The following ELFN2 variants were observed in gnomAD, a reference collection of about 807,000 sequenced individuals.
ELFN2 encodes protein phosphatase 1 regulatory subunit 29.
Under a neutral mutation model 45.5 loss-of-function variants are expected in ELFN2, and 17 were observed. The ratio of observed to expected loss-of-function variants is 0.37; its 90% CI spans 0.26 to 0.56. The LOEUF is 0.56. ELFN2 is among the 20% of genes least tolerant of loss of function. The pLI, the probability that ELFN2 is intolerant of heterozygous loss-of-function variation, is 0.77. For missense variants in ELFN2, 922 were observed against 1,183.2 expected (o/e 0.78, Z 3.24); for synonymous variants, 550 against 551.5 (o/e 1.00, Z 0.04).
chr22:37,401,439 C>T (rs1932358685), intron 2 of ELFN2, among the ~76,000 whole-genome samples: 1 of 152,202 alleles, frequency 6.6e-6, no homozygotes, highest in African/African-American at 2.4e-5. Flanking sequence ...CCTGAGGAGG[C>T]TTGGAACAGT....
chr22:37,386,136 T>C (rs1931939702), intron 2 of ELFN2, among the ~76,000 whole-genome samples: 1 of 152,088 alleles, frequency 6.6e-6, no homozygotes, highest in African/African-American at 2.4e-5. Context: ...GGTTTGAGGG[T>C]TACCCTCTCC....
intron 2 of ELFN2, among the ~76,000 whole-genome samples, chr22:37,408,528 T>C (rs1932566327): frequency 6.6e-6 from 1 of 152,192 alleles, no homozygotes; most frequent in Non-Finnish European, 1.5e-5. Flanking sequence ...GCTCAGTAAA[T>C]AATCAGCTAG....
chr22:37,378,411 G>A (rs1931643130), intron 2 of ELFN2, among the ~76,000 whole-genome samples: 1 of 152,252 alleles, frequency 6.6e-6, no homozygotes, highest in Non-Finnish European at 1.5e-5. Flanking sequence ...ATTGGGCAAA[G>A]CCAAGCTGTC....
chr22:37,365,148 C>CCT (rs1931175422), downstream of ELFN2, among the ~76,000 whole-genome samples: 1 of 152,144 alleles, frequency 6.6e-6, no homozygotes, highest in African/African-American at 2.4e-5. Context: ...GGGCTGAGTG[C>CCT]CTGGAACCCT....
At chr22:37,418,105 G>A (rs941705580) in intron 1 of ELFN2, among the ~76,000 whole-genome samples, 186 bp from the exon 2 acceptor site, 1 of 152,182 alleles carries the variant, frequency 6.6e-6, no homozygotes, top group African/African-American at 2.4e-5. Flanking sequence ...CAGAGAGGAG[G>A]TAAAGGGAGA....
Position 37,412,292 on chromosome 22 carries a change from A to AAAAAAAG in ELFN2, c.-463+5476_-463+5477insCTTTTTT, listed in dbSNP as rs57769146. On this transcript the variant is annotated intron_variant, in intron 2 of 2. Transcript: ENST00000402918. ...AACTCCGTCTCAAAAAAAAAAAAAA[A>AAAAAAAG]AAAGAAAGAAAGAAAAGGAAAAAAG... Among the ~76,000 whole-genome samples the AAAAAAAG allele has an allele frequency of 2.6e-3, 384 of 146,368 alleles. 4 individuals carry two copies. Among genetic ancestry groups the AAAAAAAG allele is most frequent in the African/African-American group, 7.5e-3 (286 of 38,208 alleles).
At chr22:37,380,090 C>A (rs1298180103) in intron 2 of ELFN2, among the ~76,000 whole-genome samples, 1 of 152,240 alleles carries the variant, frequency 6.6e-6, no homozygotes, top group Non-Finnish European at 1.5e-5. Flanking sequence ...ATCCTCTCAG[C>A]CCCCCGCTAT....
intron 2 of ELFN2, among the ~76,000 whole-genome samples, chr22:37,396,936 A>T (rs550213200): frequency 3.3e-5 from 5 of 151,618 alleles, no homozygotes; most frequent in African/African-American, 4.9e-5. Flanking sequence ...ACTCACAGGG[A>T]TCTCCTTTTT....
intron 1 of ELFN2, among the ~76,000 whole-genome samples, chr22:37,423,848 G>A (rs1203222571): frequency 6.6e-6 from 1 of 152,054 alleles, no homozygotes; most frequent in East Asian, 1.9e-4. Flanking sequence ...GGAAGGAGAG[G>A]GGGCTCAATT....
At chr22:37,409,792 C>T (rs1164271972) in intron 2 of ELFN2, among the ~76,000 whole-genome samples, 1 of 152,160 alleles carries the variant, frequency 6.6e-6, no homozygotes, top group Non-Finnish European at 1.5e-5. Context: ...GAAGGGTGCT[C>T]AGGGTGCAAT....
Position 37,396,342 on chromosome 22 carries a change from C to T in ELFN2, c.-462-20346G>A, listed in dbSNP as rs562922296. Among the ~76,000 whole-genome samples the T allele has an allele frequency of 2.0e-5, 3 of 152,312 alleles. No individual in the cohort carries two copies. In the South Asian group the frequency reaches 6.2e-4, roughly 32 times the overall value. On this transcript the variant is annotated intron_variant, in intron 2 of 2. Transcript: ENST00000402918. ...GGGTGGGACGAGGGCTGTGTCCCCA[C>T]CATGTCCCCGGCCCCCAACATGGGG...
rs546236409 is a variant in ELFN2, at chr22:37,401,896, G to A, written c.-463+15873C>T. On this transcript the variant is annotated intron_variant, in intron 2 of 2. Coordinates refer to ENST00000402918, the MANE Select transcript of ELFN2 (RefSeq NM_052906.5). ...CAGCCTCCTTGGCGACAAGGGAAAA[G>A]CTTGTCTTTTCCGTCTTCCATCTTT... is the stretch of plus-strand genomic sequence containing the variant. 2.0e-5 allele frequency among the ~76,000 whole-genome samples: 3 copies of A among 152,344 alleles called. No individual in the cohort carries two copies. The East Asian group carries it at 5.8e-4, about 29-fold the overall frequency.
At chr22:37,391,467 C>T (rs192303146) in intron 2 of ELFN2, among the ~76,000 whole-genome samples, 61 of 152,262 alleles carry the variant, frequency 4.0e-4, no homozygotes, top group Middle Eastern at 6.8e-3. Flanking sequence ...CGCCGGCACC[C>T]GCTGTGTGCC....
intron 2 of ELFN2, among the ~76,000 whole-genome samples, chr22:37,392,175 C>A (rs1174010731): frequency 6.6e-6 from 1 of 152,222 alleles, no homozygotes; most frequent in African/African-American, 2.4e-5. Context: ...CTTCTCTGCC[C>A]CCGTCTCTAA....
chr22:37,424,930 G>A (rs562174913), intron 1 of ELFN2, among the ~76,000 whole-genome samples: 5 of 151,966 alleles, frequency 3.3e-5, no homozygotes, highest in South Asian at 2.1e-4. Context: ...CCCACCATAT[G>A]CCAGGCATCA....
chr22:37,426,501 C>CCA (rs910057506), intron 1 of ELFN2, among the ~76,000 whole-genome samples: 3 of 151,604 alleles, frequency 2.0e-5, no homozygotes, highest in South Asian at 2.1e-4. Context: ...CACGCACACA[C>CCA]CACACACACA....
chr22:37,420,767 C>G (rs1932803862), intron 1 of ELFN2, among the ~76,000 whole-genome samples: 1 of 152,166 alleles, frequency 6.6e-6, no homozygotes, highest in Non-Finnish European at 1.5e-5. Context: ...CAGCAGTCAA[C>G]GAAACGGAAG....
At position 37,417,050 on chromosome 22, in the gene ELFN2, G is replaced by A. The variant is rs1932766435; in HGVS notation, c.-463+719C>T. On this transcript the variant is annotated intron_variant, in intron 2 of 2. Coordinates refer to ENST00000402918, the MANE Select transcript of ELFN2 (RefSeq NM_052906.5). The surrounding 1 kb of genome is among the most constrained non-coding windows in gnomAD (Gnocchi z 4.5). Reference sequence around the variant, plus strand: ...CGGCTCCCTCACCACGGCAACCACCGTCACTCAGCGCCGCCTGGACAACAG... The same window carrying A: ...CGGCTCCCTCACCACGGCAACCACCATCACTCAGCGCCGCCTGGACAACAG... Among the ~76,000 whole-genome samples the A allele has an allele frequency of 1.3e-5, 2 of 151,378 alleles. No homozygotes were observed. Among genetic ancestry groups the A allele is most frequent in the African/African-American group, 2.4e-5 (1 of 41,158 alleles).
intron 2 of ELFN2, among the ~76,000 whole-genome samples, chr22:37,342,273 C>G (rs1170766314): frequency 6.6e-6 from 1 of 152,178 alleles, no homozygotes; most frequent in African/African-American, 2.4e-5. Flanking sequence ...GCAAATGATC[C>G]AGCTCCTCCC....
Sources: allele counts gnomAD v4.1 joint callset (sites outside exome capture counted in the v4.1 genomes callset), GRCh38; gene constraint gnomAD v4.1.1; non-coding constraint Gnocchi (gnomAD v3.1); transcripts MANE v1.5; gene names NCBI Gene and HGNC (gene_info 2026-07-23, HGNC 2026-07-21).